CEP192: variants seen among roughly 807,000 people sequenced by gnomAD.
The protein encoded by CEP192 is centrosomal protein 192.
Under a neutral mutation model 271.8 loss-of-function variants are expected in CEP192, and 151 were observed. That is an observed-to-expected ratio of 0.56 (90% confidence interval 0.49 to 0.64). The LOEUF is 0.64. Among genes scored for constraint, CEP192 ranks in the 30% least tolerant of loss-of-function variants. The pLI, the probability that CEP192 is intolerant of heterozygous loss-of-function variation, is 0.00. For synonymous variants in CEP192, 995 were observed against 1,076.5 expected (o/e 0.92, Z 1.48); for missense variants, 2,910 against 3,020.5 (o/e 0.96, Z 0.86).
At chr18:13,050,497 A>G (rs964913492) in intron 17 of CEP192, among the ~76,000 whole-genome samples, 4 of 152,004 alleles carry the variant, frequency 2.6e-5, no homozygotes, top group Admixed American at 6.5e-5. Flanking sequence ...AGTTCCTTCT[A>G]TGACTCCTTA....
chr18:13,019,257 CTTT>C, intron 9 of CEP192, 51 bp downstream of exon 9: 1 of 1,398,120 alleles, frequency 7.2e-7, no homozygotes, highest in Non-Finnish European at 9.4e-7. Flanking sequence ...AATAAGGGGT[CTTT>C]TGTGTTTATA....
intron 3 of CEP192, 28 bp downstream of exon 3, chr18:13,001,610 C>CT: frequency 6.5e-7 from 1 of 1,532,652 alleles, no homozygotes; most frequent in Non-Finnish European, 8.8e-7. Flanking sequence ...TTTGCTTGTA[C>CT]TGTGTTAAAA....
intron 1 of CEP192, among the ~76,000 whole-genome samples, chr18:12,994,427 T>G (rs529930544): frequency 6.6e-6 from 1 of 151,942 alleles, no homozygotes; most frequent in South Asian, 2.1e-4. Flanking sequence ...TGAATGAGCC[T>G]GAGAGGGTGG....
intron 30 of CEP192, among the ~76,000 whole-genome samples, chr18:13,080,476 C>T (rs2038537918): frequency 6.6e-6 from 1 of 152,140 alleles, no homozygotes; most frequent in Non-Finnish European, 1.5e-5. Flanking sequence ...GTGATTTTTG[C>T]ACACTGATTT....
chr18:13,075,297 T>G (rs1391606633), intron 30 of CEP192, among the ~76,000 whole-genome samples: 1 of 147,836 alleles, frequency 6.8e-6, no homozygotes, highest in African/African-American at 2.5e-5. Context: ...CCGGGTGCGG[T>G]GGCTCTATGC....
At position 13,091,629 on chromosome 18, in the gene CEP192, T is replaced by TC. The variant is rs2039150375; in HGVS notation, c.6104-748_6104-747insC. On this transcript the variant is annotated intron_variant, in intron 33 of 44. Coordinates refer to ENST00000506447, the MANE Select transcript of CEP192 (RefSeq NM_032142.4). Reference sequence around the variant, plus strand: ...ATTTAAACTTTTTCAGTCAGGAGTCTTGCTTAAGTTATAAATTTAAATTTA... The same window carrying TC: ...ATTTAAACTTTTTCAGTCAGGAGTCTCTGCTTAAGTTATAAATTTAAATTTA... 6.6e-5 allele frequency among the ~76,000 whole-genome samples: 10 copies of TC among 152,354 alleles called. No homozygotes were observed. In the South Asian group the frequency reaches 2.1e-3, roughly 32 times the overall value.
In CEP192 at chr18:13,095,493, A is replaced by G; in HGVS notation, c.6255-10A>G. ...ATGTCTAACTTTTTCATTTTTAAAT[A>G]ATTTTTTAGCGACTTGGGAGCTTCT... On this transcript the variant is annotated splice_polypyrimidine_tract_variant and intron_variant, in intron 34 of 44. Transcript: ENST00000506447. 7 of 1,583,932 alleles carry G rather than the reference A, an allele frequency of 4.4e-6. No homozygotes were observed. Among genetic ancestry groups the G allele is most frequent in the Non-Finnish European group, 6.0e-6 (7 of 1,168,362 alleles).
intron 14 of CEP192, 80 bp downstream of exon 14, chr18:13,041,036 T>C (rs2036174446): frequency 8.1e-7 from 1 of 1,229,484 alleles, no homozygotes; most frequent in Non-Finnish European, 1.1e-6. Flanking sequence ...GGTGACCGTG[T>C]TCTTTATGAG....
chr18:13,058,228 T>C (rs1473713573), intron 20 of CEP192: 3 of 152,392 alleles, frequency 2.0e-5, no homozygotes, highest in Non-Finnish European at 4.4e-5. Flanking sequence ...TTAAGACAGA[T>C]GTCTCTTACA....
rs1220929087 is a variant in CEP192, at chr18:13,056,360, G to T, written c.3770G>T (p.Ser1257Ile). The T allele has an allele frequency of 1.2e-6, 2 of 1,614,080 alleles. No individual in the cohort carries two copies. Among genetic ancestry groups the T allele is most frequent in the Non-Finnish European group, 1.7e-6 (2 of 1,180,048 alleles). ...VHALLTQPSL[S>I]AAPFAQRYLG... ...GCACTCTTGACACAACCCTCTCTCA[G>T]CGCTGCTCCTTTTGCTCAGCGGTAT... Residue 1257 changes from serine (S) to isoleucine (I), a missense_variant, in exon 19 of 45, where the codon AGC becomes ATC. Ser to Ile is a moderately radical substitution (Grantham distance 142). Transcript: ENST00000506447.
chr18:13,113,637 G>A lies in CEP192; in HGVS notation c.7099G>A (p.Asp2367Asn). ...RGRGDYAQFW[D>N]VECHPLKEPH... is the part of the protein sequence containing the mutation. Reference sequence around the variant, plus strand: ...TAGGGGGGATTATGCCCAGTTTTGGGATGTTGAATGTCACCCTCTTAAGGA... The same window carrying A: ...TAGGGGGGATTATGCCCAGTTTTGGAATGTTGAATGTCACCCTCTTAAGGA... The change falls in exon 41 of 45, where the codon GAT becomes AAT. Residue 2367 changes from aspartate (D) to asparagine (N), a missense_variant. Coordinates refer to ENST00000506447, the MANE Select transcript of CEP192 (RefSeq NM_032142.4). 2 of 1,613,300 alleles carry A rather than the reference G, an allele frequency of 1.2e-6. No individual in the cohort carries two copies. The highest frequency in any genetic ancestry group is 1.7e-4 in the Middle Eastern group (1 of 6,060).
At chr18:13,065,095 A>G (rs952232827) in intron 21 of CEP192, among the ~76,000 whole-genome samples, 2 of 151,986 alleles carry the variant, frequency 1.3e-5, no homozygotes, top group Non-Finnish European at 2.9e-5. Context: ...GTGCTGGCAT[A>G]TAGAAATGCT....
chr18:13,079,065 T>G (rs1178778865), intron 30 of CEP192, among the ~76,000 whole-genome samples: 1 of 152,220 alleles, frequency 6.6e-6, no homozygotes, highest in Non-Finnish European at 1.5e-5. Flanking sequence ...GTTCCAAGTC[T>G]TTGCTATTGT....
Position 13,077,035 on chromosome 18 carries a change from G to A in CEP192, c.5616+3850G>A, listed in dbSNP as rs947516345. On this transcript the variant is annotated intron_variant, in intron 30 of 44. Transcript: ENST00000506447. The stretch of plus-strand genomic sequence containing the variant: ...TGACCTCAAGTAATCCGCCTGCCTT[G>A]GCCTCCAAAAGTGCTGAGATTACGG... Among the ~76,000 whole-genome samples the A allele has an allele frequency of 9.9e-5, 15 of 152,046 alleles. No homozygotes were observed. In the East Asian group the frequency reaches 2.3e-3, roughly 24 times the overall value.
At position 13,029,618 on chromosome 18, in the gene CEP192, G is replaced by C. The variant is rs180992604; in HGVS notation, c.1051-45G>C. The stretch of plus-strand genomic sequence containing the variant: ...TTTTAAAATAAGTTATAAAAAACAA[G>C]ACTTACTGTTGCTCTGTTAAAAAAT... On this transcript the variant is annotated intron_variant, in intron 9 of 44. Transcript: ENST00000506447. 5.1e-5 allele frequency: 59 copies of C among 1,162,650 alleles called. No individual in the cohort carries two copies. The Middle Eastern group carries it at 1.1e-3, about 21-fold the overall frequency. The allele number at this position is 1,162,650 out of a possible 1,614,324, so 72.0% of individuals were successfully genotyped here.
chr18:13,124,419 A>C (rs778699012), intron 44 of CEP192: 3 of 436,422 alleles, frequency 6.9e-6, no homozygotes, highest in African/African-American at 1.9e-5. Context: ...ATACATACGT[A>C]TGCAATACTG....
chr18:13,088,251 CAGCCTGGGCAACAT>C (rs2038985206), intron 32 of CEP192, among the ~76,000 whole-genome samples: 1 of 152,036 alleles, frequency 6.6e-6, no homozygotes, highest in Non-Finnish European at 1.5e-5. Context: ...AGTTCAAGAC[CAGCCTGGGCAACAT>C]AATGAGACCT....
intron 11 of CEP192, among the ~76,000 whole-genome samples, chr18:13,031,240 GT>G (rs1382760091): frequency 8.0e-5 from 10 of 124,938 alleles, no homozygotes; most frequent in Non-Finnish European, 1.6e-4. Context: ...TGGCCTTATT[GT>G]TGTTTTTTTT....
At chr18:13,013,578 C>T (rs1428287511) in intron 5 of CEP192, among the ~76,000 whole-genome samples, 1 of 152,128 alleles carries the variant, frequency 6.6e-6, no homozygotes, top group African/African-American at 2.4e-5. Context: ...TGGGATGAGC[C>T]TGGATCTAAT....
Sources: allele counts gnomAD v4.1 joint callset (sites outside exome capture counted in the v4.1 genomes callset), GRCh38; gene constraint gnomAD v4.1.1; transcripts MANE v1.5; gene names NCBI Gene and HGNC (gene_info 2026-07-23, HGNC 2026-07-21).